GALNT11: variants seen among roughly 807,000 people sequenced by gnomAD.
GALNT11 encodes UDP-GalNAc:polypeptide N-acetylgalactosaminyltransferase 11.
GALNT11 carries 47 observed loss-of-function variants against 72.7 expected under a neutral mutation model. The observed-to-expected ratio is 0.65, with a 90% CI of 0.51 to 0.82. The LOEUF is 0.82. GALNT11 is among the 40% of genes least tolerant of loss of function. The pLI, the probability that GALNT11 is intolerant of heterozygous loss-of-function variation, is 0.00. For missense variants in GALNT11, 677 were observed against 778.4 expected (o/e 0.87, Z 1.55); for synonymous variants, 270 against 286.6 (o/e 0.94, Z 0.58).
intron 1 of GALNT11, among the ~76,000 whole-genome samples, chr7:152,042,960 C>A (rs10258370): frequency 0.033 from 4,962 of 152,238 alleles, 273 homozygotes; most frequent in African/African-American, 0.11. Flanking sequence ...CTGTATCTAC[C>A]AAACCTTTAA....
chr7:152,118,886 G>A lies in GALNT11; in HGVS notation c.1557+104G>A, dbSNP rs2089151406. On this transcript the variant is annotated intron_variant, in intron 10 of 11. Coordinates refer to ENST00000430044, the MANE Select transcript of GALNT11 (RefSeq NM_022087.4). ...GAGGACATCAGTGTCTACTATTCTG[G>A]CTTTTCTTAACCCATTTCTGTGTAG... 6 of 863,192 alleles carry A rather than the reference G, an allele frequency of 7.0e-6. No homozygotes were observed. In the East Asian group the frequency reaches 1.8e-4, roughly 25 times the overall value. The allele number at this position is 863,192 out of a possible 1,614,324, so 53.5% of individuals were successfully genotyped here.
At position 152,118,680 on chromosome 7, in the gene GALNT11, C is replaced by CT; in HGVS notation, c.1456dup (p.Tyr486LeufsTer25). The CT allele has an allele frequency of 6.2e-7, 1 of 1,608,758 alleles. No individual in the cohort carries two copies. Among genetic ancestry groups the CT allele is most frequent in the Non-Finnish European group, 8.5e-7 (1 of 1,177,884 alleles). The stretch of plus-strand genomic sequence containing the variant: ...CTGAGCTGTGCCTTCTCTTACAGCT[C>CT]TATCACCTCCAGACCAACAAATGCC... On this transcript the variant is annotated frameshift_variant, in exon 10 of 12. Coordinates refer to ENST00000430044, the MANE Select transcript of GALNT11 (RefSeq NM_022087.4). LOFTEE classifies it high-confidence loss of function.
chr7:152,064,088 G>A (rs879880799), intron 1 of GALNT11, among the ~76,000 whole-genome samples: 4 of 152,166 alleles, frequency 2.6e-5, no homozygotes, highest in Admixed American at 6.5e-5. Context: ...TATTGTGTGG[G>A]AGTCTAAGTC....
intron 1 of GALNT11, among the ~76,000 whole-genome samples, chr7:152,053,001 G>C (rs1489297166): frequency 1.3e-5 from 2 of 152,184 alleles, no homozygotes; most frequent in Admixed American, 1.3e-4. Context: ...TAAAGTTGAC[G>C]AGTGCGGGCA....
At chr7:152,117,408 A>G (rs1316260308) in intron 9 of GALNT11, 33 bp downstream of exon 9, 2 of 1,607,362 alleles carry the variant, frequency 1.2e-6, no homozygotes, top group Non-Finnish European at 1.7e-6. Flanking sequence ...GTGGCTTATG[A>G]AAAGCGTTTG....
chr7:152,056,085 A>G (rs186733033), intron 1 of GALNT11, among the ~76,000 whole-genome samples: 11 of 152,252 alleles, frequency 7.2e-5, no homozygotes, highest in African/African-American at 2.4e-4. Context: ...AAATGGAATC[A>G]TACAGTAAGT....
At chr7:152,071,152 G>A (rs1224566004) in intron 1 of GALNT11, among the ~76,000 whole-genome samples, 1 of 152,234 alleles carries the variant, frequency 6.6e-6, no homozygotes, top group African/African-American at 2.4e-5. Context: ...CCAGGAGACA[G>A]GGTTTTAAGA....
intron 1 of GALNT11, among the ~76,000 whole-genome samples, chr7:152,035,082 G>T (rs36105131): frequency 0.15 from 23,173 of 152,068 alleles, 4,250 homozygotes; most frequent in African/African-American, 0.43. Flanking sequence ...CTTTTTGTCC[G>T]CACTTATATG....
At chr7:152,116,486 G>C (rs944096551) in intron 8 of GALNT11, among the ~76,000 whole-genome samples, 2 of 152,148 alleles carry the variant, frequency 1.3e-5, no homozygotes, top group Non-Finnish European at 2.9e-5. Flanking sequence ...TGATCCGCCT[G>C]CCTTGGCCTC....
At chr7:152,045,299 G>A (rs555806719) in intron 1 of GALNT11, among the ~76,000 whole-genome samples, 158 of 152,134 alleles carry the variant, frequency 1.0e-3, no homozygotes, top group African/African-American at 3.2e-3. Flanking sequence ...TATTGGCCTC[G>A]CAGAATGAGT....
At chr7:152,035,057 T>C (rs191554831) in intron 1 of GALNT11, among the ~76,000 whole-genome samples, 39 of 151,906 alleles carry the variant, frequency 2.6e-4, no homozygotes, top group African/African-American at 9.0e-4. Flanking sequence ...ATCTCCAGAG[T>C]TGGAAGAGTG....
At chr7:152,118,635 CTG>C (rs2089120860) in intron 9 of GALNT11, 41 bp from the exon 10 acceptor site, 3 of 1,576,836 alleles carry the variant, frequency 1.9e-6, no homozygotes, top group Non-Finnish European at 2.6e-6. Flanking sequence ...GGAGGCGTCT[CTG>C]GGATTGTTTC....
chr7:152,097,549 G>A (rs1187985062), intron 2 of GALNT11, among the ~76,000 whole-genome samples: 1 of 152,226 alleles, frequency 6.6e-6, no homozygotes, highest in Non-Finnish European at 1.5e-5. Flanking sequence ...TGTACTCAAT[G>A]TTCATTAGCA....
intron 1 of GALNT11, among the ~76,000 whole-genome samples, chr7:152,081,705 C>T (rs993723524): frequency 1.3e-5 from 2 of 152,128 alleles, no homozygotes; most frequent in African/African-American, 4.8e-5. Context: ...TGTTTTCTTC[C>T]TCTTCTTATG....
In GALNT11 at chr7:152,091,736, T is replaced by C. The variant is rs547575278; in HGVS notation, c.-38-2454T>C. The stretch of plus-strand genomic sequence containing the variant: ...TCATCACATCAGTCCTGGATGATGA[T>C]GAAATTGAGGGTGGGGCAAAGTTCC... On this transcript the variant is annotated intron_variant, in intron 1 of 11. Coordinates refer to ENST00000430044, the MANE Select transcript of GALNT11 (RefSeq NM_022087.4). 2.6e-4 allele frequency among the ~76,000 whole-genome samples: 39 copies of C among 152,178 alleles called. 1 individual carries two copies. In the South Asian group the frequency reaches 7.9e-3, roughly 31 times the overall value.
intron 1 of GALNT11, among the ~76,000 whole-genome samples, chr7:152,056,602 G>A (rs1346911895): frequency 6.6e-6 from 1 of 152,096 alleles, no homozygotes; most frequent in African/African-American, 2.4e-5. Flanking sequence ...ACATTACAAT[G>A]AAATTTGTAT....
At chr7:152,037,541 T>C (rs1272294723) in intron 1 of GALNT11, among the ~76,000 whole-genome samples, 2 of 152,172 alleles carry the variant, frequency 1.3e-5, no homozygotes, top group Non-Finnish European at 2.9e-5. Context: ...TCAGTTCTGT[T>C]GTTTTTGCTC....
At chr7:152,118,997 A>G (rs888167163) in intron 10 of GALNT11, 3 of 374,236 alleles carry the variant, frequency 8.0e-6, no homozygotes, top group South Asian at 7.2e-5. Flanking sequence ...TTTTCACCGA[A>G]AAAAACTGCA....
chr7:152,091,005 G>C (rs2085988009), intron 1 of GALNT11, among the ~76,000 whole-genome samples: 1 of 152,022 alleles, frequency 6.6e-6, no homozygotes, highest in South Asian at 2.1e-4. Flanking sequence ...GGTAGATGCA[G>C]CTGAGGAGTC....
Sources: gnomAD v4.1 joint callset for allele counts (sites outside exome capture counted in the v4.1 genomes callset) on GRCh38, gnomAD v4.1.1 for gene constraint, MANE v1.5 for transcripts, NCBI Gene and HGNC (gene_info 2026-07-23, HGNC 2026-07-21) for gene names.